The following CFAP97D2 variants were observed in gnomAD, a reference collection of about 807,000 sequenced individuals.
The protein encoded by CFAP97D2 is uncharacterized protein CFAP97D2.
intron 1 of CFAP97D2, among the ~76,000 whole-genome samples, chr13:114,180,914 G>A (rs1201208254): frequency 3.9e-5 from 6 of 152,218 alleles, no homozygotes; most frequent in Admixed American, 1.3e-4. Context: ...TGAAATTGTC[G>A]TCATGGGAGG....
chr13:114,181,958 TG>T (rs2080834173), intron 1 of CFAP97D2, among the ~76,000 whole-genome samples: 1 of 151,882 alleles, frequency 6.6e-6, no homozygotes, highest in African/African-American at 2.4e-5. Context: ...TCTAGTCGGG[TG>T]GGACGAGAGA....
At chr13:114,195,502 A>G (rs2080882978) in intron 1 of CFAP97D2, among the ~76,000 whole-genome samples, 1 of 152,162 alleles carries the variant, frequency 6.6e-6, no homozygotes, top group Non-Finnish European at 1.5e-5. Flanking sequence ...TGTCGCCTTC[A>G]GGTTATCCGT....
intron 1 of CFAP97D2, among the ~76,000 whole-genome samples, chr13:114,184,924 CTCTA>C (rs1033676316): frequency 6.6e-5 from 10 of 152,198 alleles, no homozygotes; most frequent in African/African-American, 2.4e-4. Flanking sequence ...ATGTGCATAT[CTCTA>C]TCTGTGATAC....
Position 114,185,773 on chromosome 13 carries a change from T to G in CFAP97D2, c.90+6353T>G, listed in dbSNP as rs2080851953. 2.0e-5 allele frequency among the ~76,000 whole-genome samples: 3 copies of G among 152,332 alleles called. No homozygotes were observed. The highest frequency in any genetic ancestry group is 4.1e-4 in the South Asian group (2 of 4,830). Reference sequence around the variant, plus strand: ...TTGCCACCTCAGCCCCCTCCAGATTTGGGCACTGACAAGCACAGGAGGGAG... The same window carrying G: ...TTGCCACCTCAGCCCCCTCCAGATTGGGGCACTGACAAGCACAGGAGGGAG... On this transcript the variant is annotated intron_variant, in intron 1 of 4. Coordinates refer to ENST00000646158, the Ensembl canonical transcript of CFAP97D2. The surrounding 1 kb of genome is among the most constrained non-coding windows in gnomAD (Gnocchi z 5.2).
At position 114,211,923 on chromosome 13, in the gene CFAP97D2, G is replaced by A; in HGVS notation, c.302G>A (p.Gly101Glu). 1 of 398,738 alleles carries A rather than the reference G, an allele frequency of 2.5e-6. No homozygotes were observed. The highest frequency in any genetic ancestry group is 2.1e-5 in the African/African-American group (1 of 48,748). 24.7% of individuals were successfully genotyped at this position (398,738 alleles called of 1,614,324 possible). A position where few individuals can be genotyped will look rare whatever the true frequency, so the allele number is the denominator to read the frequency against. Reference sequence around the variant, plus strand: ...GCTCTTTCGTGGAGTCTGCACAGGGGGAAGAGAGAACAGGAACTTCGCAGA... The same window carrying A: ...GCTCTTTCGTGGAGTCTGCACAGGGAGAAGAGAGAACAGGAACTTCGCAGA... Residue 101 changes from glycine to glutamate, a missense_variant, in exon 4 of 5, where the codon GGG becomes GAG. By Grantham distance (98) the Gly-to-Glu change is moderately conservative. Transcript: ENST00000646158. The surrounding 1 kb of genome is among the most constrained non-coding windows in gnomAD (Gnocchi z 4.2).
rs1018562478 is a variant in CFAP97D2 at position 114,207,835 on chromosome 13, T to C, written c.291-4077T>C. ...CCACCATTTTTTTCCCTAGAGAGGC[T>C]ATGTGGTGGCTTTTAATCCCATTTT... On this transcript the variant is annotated intron_variant, in intron 3 of 4. Transcript: ENST00000646158. This position sits in a 1 kb window ranked among gnomAD's most constrained non-coding sequence, Gnocchi z 4.9. 6.6e-6 allele frequency among the ~76,000 whole-genome samples: 1 copy of C among 152,236 alleles called. No homozygotes were observed. Among genetic ancestry groups the C allele is most frequent in the Non-Finnish European group, 1.5e-5 (1 of 68,048 alleles).
intron 4 of CFAP97D2, among the ~76,000 whole-genome samples, chr13:114,221,525 T>C (rs1029845941): frequency 5.3e-5 from 8 of 152,200 alleles, no homozygotes; most frequent in African/African-American, 1.7e-4. Context: ...TATTAGTAAA[T>C]GCAAATGAAG....
At position 114,189,883 on chromosome 13, in the gene CFAP97D2, TG is replaced by T. The variant is rs1299633645; in HGVS notation, c.91-6512del. Reference sequence around the variant, plus strand: ...CCAGGCTGGGCATGGTGGCTCGCCCTGTAATCAGAACACTTTGGGTGGCTGA... The same window carrying T: ...CCAGGCTGGGCATGGTGGCTCGCCCTTAATCAGAACACTTTGGGTGGCTGA... On this transcript the variant is annotated intron_variant, in intron 1 of 4. Coordinates refer to ENST00000646158, the Ensembl canonical transcript of CFAP97D2. The surrounding 1 kb of genome is among the most constrained non-coding windows in gnomAD (Gnocchi z 4.5). Among the ~76,000 whole-genome samples the T allele has an allele frequency of 6.6e-6, 1 of 152,174 alleles. No individual in the cohort carries two copies. The highest frequency in any genetic ancestry group is 2.4e-5 in the African/African-American group (1 of 41,442).
At chr13:114,214,992 G>C (rs1331225568) in intron 4 of CFAP97D2, among the ~76,000 whole-genome samples, 2 of 152,152 alleles carry the variant, frequency 1.3e-5, no homozygotes, top group Non-Finnish European at 2.9e-5. Flanking sequence ...AAACTATGAT[G>C]ATCATCTTAA....
intron 2 of CFAP97D2, among the ~76,000 whole-genome samples, chr13:114,198,293 G>A (rs1179436347): frequency 6.6e-6 from 1 of 152,218 alleles, no homozygotes; most frequent in Non-Finnish European, 1.5e-5. Context: ...ACAAAAGGCT[G>A]TGGGCTTTAT....
chr13:114,211,422 A>G lies in CFAP97D2; in HGVS notation c.291-490A>G, dbSNP rs981918529. On this transcript the variant is annotated intron_variant, in intron 3 of 4. Coordinates refer to ENST00000646158, the Ensembl canonical transcript of CFAP97D2. This position sits in a 1 kb window ranked among gnomAD's most constrained non-coding sequence, Gnocchi z 4.2. ...CCACACTGTCTTCCACATGTGCCAG[A>G]CTCTGTGCACTGCTAGACCCTCCAA... Among the ~76,000 whole-genome samples the G allele has an allele frequency of 1.3e-5, 2 of 151,752 alleles. No individual in the cohort carries two copies. The highest frequency in any genetic ancestry group is 1.9e-4 in the East Asian group (1 of 5,168).
intron 4 of CFAP97D2, chr13:114,214,406 A>G (rs768103541): frequency 1.3e-5 from 2 of 152,202 alleles, no homozygotes; most frequent in Non-Finnish European, 2.9e-5. Context: ...CAATTTTCTC[A>G]AATCTTTTAA....
At chr13:114,195,560 C>T (rs750623443) in intron 1 of CFAP97D2, among the ~76,000 whole-genome samples, 4 of 152,180 alleles carry the variant, frequency 2.6e-5, no homozygotes, top group Non-Finnish European at 5.9e-5. Flanking sequence ...CTAGAATATG[C>T]GGGGATTCCT....
At chr13:114,214,912 CTTAAT>C (rs59811405) in intron 4 of CFAP97D2, among the ~76,000 whole-genome samples, 11,623 of 152,088 alleles carry the variant, frequency 0.076, 796 homozygotes, top group East Asian at 0.35. Flanking sequence ...ACAGATTTGC[CTTAAT>C]TTATTTAATC....
intron 4 of CFAP97D2, among the ~76,000 whole-genome samples, chr13:114,217,163 T>A (rs2080997579): frequency 6.6e-6 from 1 of 152,122 alleles, no homozygotes; most frequent in East Asian, 1.9e-4. Context: ...GAGAGAAGAA[T>A]CAAATAGATG....
Position 114,205,447 on chromosome 13 carries a change from CT to C in CFAP97D2, c.290+5009del, listed in dbSNP as rs555032722. On this transcript the variant is annotated intron_variant, in intron 3 of 4. Coordinates refer to ENST00000646158, the Ensembl canonical transcript of CFAP97D2. ...TTGAACTTGTGGATTAGTTCTACAG[CT>C]TTTTAGTGCATTCCTTAAGATTTTC... Among the ~76,000 whole-genome samples the C allele has an allele frequency of 3.3e-5, 5 of 152,292 alleles. No individual in the cohort carries two copies. In the South Asian group the frequency reaches 1.0e-3, roughly 32 times the overall value.
intron 3 of CFAP97D2, among the ~76,000 whole-genome samples, chr13:114,209,806 T>C (rs578107764): frequency 6.6e-6 from 1 of 152,358 alleles, no homozygotes; most frequent in East Asian, 1.9e-4. Flanking sequence ...CCAGGGACTT[T>C]GTCTCTTTTG....
chr13:114,198,899 C>T (rs1419458700), intron 2 of CFAP97D2, among the ~76,000 whole-genome samples: 1 of 58,938 alleles, frequency 1.7e-5, no homozygotes, highest in African/African-American at 1.8e-4. Flanking sequence ...GTACGGTCCC[C>T]ACCGAGGGGT....
At chr13:114,204,336 G>A (rs748413765) in intron 3 of CFAP97D2, among the ~76,000 whole-genome samples, 23 of 152,200 alleles carry the variant, frequency 1.5e-4, no homozygotes, top group African/African-American at 4.3e-4. Flanking sequence ...GGAGGGCTGC[G>A]TGTTCTGGAC....
Sources: gnomAD v4.1 joint callset for allele counts (sites outside exome capture counted in the v4.1 genomes callset) on GRCh38, gnomAD v4.1.1 for gene constraint, Gnocchi (gnomAD v3.1) non-coding constraint, MANE v1.5 for transcripts, NCBI Gene and HGNC (gene_info 2026-07-23, HGNC 2026-07-21) for gene names.